IL1RAPL2: variants seen among roughly 807,000 people sequenced by gnomAD.
IL1RAPL2 encodes X-linked interleukin-1 receptor accessory protein-like 2.
A neutral mutation model predicts 44.1 loss-of-function variants in IL1RAPL2; 3 were observed. The ratio of observed to expected loss-of-function variants is 0.07; its 90% CI spans 0.03 to 0.18. The LOEUF (loss-of-function observed/expected upper bound fraction) is 0.18, where lower values mean the gene tolerates loss of function less well. Ranked by LOEUF, IL1RAPL2 falls within the 10% of genes least tolerant of loss-of-function variation. The probability of loss-of-function intolerance (pLI) is 1.00; values close to 1 mark genes in which losing one functional copy is unlikely to be tolerated. For synonymous variants in IL1RAPL2, 181 were observed against 178.8 expected (o/e 1.01, Z -0.10); for missense variants, 391 against 496.4 (o/e 0.79, Z 2.02).
chrX:104,768,239 A>T (rs1932587644), intron 2 of IL1RAPL2, among the ~76,000 whole-genome samples: 1 of 111,424 alleles, frequency 9.0e-6, no homozygotes. Context: ...ATATCTCTTG[A>T]ATGCTTTCCT....
intron 2 of IL1RAPL2, among the ~76,000 whole-genome samples, chrX:104,946,234 G>A (rs971353368): frequency 6.0e-5 from 6 of 99,849 alleles, no homozygotes; most frequent in Middle Eastern, 5.0e-3. Context: ...TTAGCCAGGC[G>A]CGGTGGCGGG....
rs1323825476 is a variant in IL1RAPL2, at chrX:104,943,134, G to A, written c.83-252341G>A. ...AGGATTTTTCATCGATGTTCATCAG[G>A]GATATTGGTCTCAAATTCTCTTTTT... On this transcript the variant is annotated intron_variant, in intron 2 of 10. Coordinates refer to ENST00000372582, the MANE Select transcript of IL1RAPL2 (RefSeq NM_017416.2). Among the ~76,000 whole-genome samples the A allele has an allele frequency of 9.9e-5, 11 of 111,178 alleles. No individual in the cohort carries two copies. In the Admixed American group the frequency reaches 1.1e-3, roughly 11 times the overall value.
intron 2 of IL1RAPL2, among the ~76,000 whole-genome samples, chrX:105,034,754 A>G (rs1175417637): frequency 1.1e-4 from 12 of 111,237 alleles, no homozygotes; most frequent in African/African-American, 3.3e-4. Context: ...GAGAACCACT[A>G]CTCTCTTCAA....
At chrX:105,266,095 G>A (rs895240231) in intron 4 of IL1RAPL2, among the ~76,000 whole-genome samples, 1 of 109,264 alleles carries the variant, frequency 9.2e-6, no homozygotes, top group African/African-American at 3.3e-5. Context: ...AGAATAGAGT[G>A]CAGTGGCGTG....
intron 6 of IL1RAPL2, among the ~76,000 whole-genome samples, chrX:105,700,085 T>C (rs775756922): frequency 9.0e-6 from 1 of 111,726 alleles, no homozygotes. Context: ...GTGGAAGTGG[T>C]TGGTGTTAAT....
chrX:105,584,532 G>GTTT (rs11461799), intron 6 of IL1RAPL2, among the ~76,000 whole-genome samples: 1 of 100,355 alleles, frequency 1.0e-5, no homozygotes. Flanking sequence ...AGTTGTTTCT[G>GTTT]TTTTTTTTTT....
At chrX:104,576,543 G>A (rs897285551) in intron 1 of IL1RAPL2, among the ~76,000 whole-genome samples, 4 of 111,495 alleles carry the variant, frequency 3.6e-5, no homozygotes, top group African/African-American at 1.3e-4. Flanking sequence ...ATATTTGGAG[G>A]TGGTAATTGC....
At chrX:105,715,705 G>T (rs1238434672) in intron 6 of IL1RAPL2, among the ~76,000 whole-genome samples, 1 of 111,274 alleles carries the variant, frequency 9.0e-6, no homozygotes, top group Non-Finnish European at 1.9e-5. Flanking sequence ...AGTTAGAGCA[G>T]ATCCCAGCAA....
intron 2 of IL1RAPL2, among the ~76,000 whole-genome samples, chrX:104,667,604 A>C (rs1279637046): frequency 9.0e-6 from 1 of 111,460 alleles, no homozygotes; most frequent in Non-Finnish European, 1.9e-5. Context: ...CCAGGATTTA[A>C]ACCCAGATTT....
At chrX:105,002,041 T>C (rs991607123) in intron 2 of IL1RAPL2, among the ~76,000 whole-genome samples, 1 of 110,668 alleles carries the variant, frequency 9.0e-6, no homozygotes, top group Non-Finnish European at 1.9e-5. Flanking sequence ...TTTCGGAAGA[T>C]TGCAGCAAGA....
chrX:105,767,126 G>A lies in IL1RAPL2; in HGVS notation c.1526G>A (p.Cys509Tyr). The change falls in exon 11 of 11, where the codon TGT becomes TAT. Residue 509 changes from cysteine to tyrosine, a missense_variant. Transcript: ENST00000372582. Reference protein sequence around the residue: ...SGEIKVILIECTELKGKVNCQ... With the variant: ...SGEIKVILIEYTELKGKVNCQ... ...GAAATCAAAGTGATTTTGATTGAGT[G>A]TACAGAATTAAAAGGGAAAGTGAAT... The A allele has an allele frequency of 1.7e-6, 2 of 1,211,153 alleles. No homozygotes were observed. Among genetic ancestry groups the A allele is most frequent in the Non-Finnish European group, 2.2e-6 (2 of 894,947 alleles).
At chrX:104,995,469 A>G (rs1485346424) in intron 2 of IL1RAPL2, among the ~76,000 whole-genome samples, 1 of 111,761 alleles carries the variant, frequency 8.9e-6, no homozygotes, top group Non-Finnish European at 1.9e-5. Flanking sequence ...ACTTGTACCT[A>G]GAGTTATGAT....
chrX:104,699,631 C>T (rs1240284834), intron 2 of IL1RAPL2, among the ~76,000 whole-genome samples: 2 of 111,974 alleles, frequency 1.8e-5, no homozygotes, highest in East Asian at 5.6e-4. Flanking sequence ...GCTTGAGGAC[C>T]CCTGATTTAG....
intron 6 of IL1RAPL2, among the ~76,000 whole-genome samples, chrX:105,492,974 A>C (rs958727654): frequency 9.0e-6 from 1 of 111,234 alleles, no homozygotes; most frequent in Non-Finnish European, 1.9e-5. Context: ...TTAATCAACT[A>C]TCTGTAACTA....
chrX:104,906,271 C>G (rs1286026737), intron 2 of IL1RAPL2, among the ~76,000 whole-genome samples: 1 of 111,175 alleles, frequency 9.0e-6, no homozygotes, highest in Admixed American at 9.6e-5. Flanking sequence ...TTGACTTCCT[C>G]TTTTCCTAAT....
intron 2 of IL1RAPL2, among the ~76,000 whole-genome samples, chrX:104,921,696 T>C (rs929432053): frequency 8.9e-6 from 1 of 112,722 alleles, no homozygotes; most frequent in African/African-American, 3.2e-5. Flanking sequence ...CGGGTTCATG[T>C]AATGGCATGG....
rs980602170 is a variant in IL1RAPL2, at chrX:105,459,352, C to T, written c.698-24961C>T. Reference sequence around the variant, plus strand: ...TATTAATATTTCTCTCATATGTACACATTTTTTATTGTGTTCATCTACTTT... The same window carrying T: ...TATTAATATTTCTCTCATATGTACATATTTTTTATTGTGTTCATCTACTTT... On this transcript the variant is annotated intron_variant, in intron 5 of 10. Transcript: ENST00000372582. Among the ~76,000 whole-genome samples, 13 of 111,514 alleles carry T rather than the reference C, an allele frequency of 1.2e-4. No homozygotes were observed. In the East Asian group the frequency reaches 3.7e-3, roughly 32 times the overall value.
chrX:104,577,405 G>T (rs1271257474), intron 1 of IL1RAPL2, among the ~76,000 whole-genome samples: 5 of 112,068 alleles, frequency 4.5e-5, no homozygotes, highest in Non-Finnish European at 9.4e-5. Context: ...CTGCTCAGGT[G>T]TAAGAATGGA....
chrX:104,691,934 C>T (rs1265062416), intron 2 of IL1RAPL2, among the ~76,000 whole-genome samples: 1 of 111,230 alleles, frequency 9.0e-6, no homozygotes, highest in Non-Finnish European at 1.9e-5. Context: ...TCTCAAGCAC[C>T]AGATGGCTCT....
Sources: allele counts gnomAD v4.1 joint callset (sites outside exome capture counted in the v4.1 genomes callset), GRCh38; gene constraint gnomAD v4.1.1; transcripts MANE v1.5; gene names NCBI Gene and HGNC (gene_info 2026-07-23, HGNC 2026-07-21).